Variants in IMMP2L observed in about 807,000 individuals in gnomAD.
IMMP2L encodes the protein mitochondrial inner membrane protease subunit 2.
A neutral mutation model predicts 19.3 loss-of-function variants in IMMP2L; 18 were observed. That is an observed-to-expected ratio of 0.93 (90% CI 0.64 to 1.38). The LOEUF (loss-of-function observed/expected upper bound fraction) is 1.38, where lower values mean the gene tolerates loss of function less well. IMMP2L is among the 40% of genes most tolerant of loss of function. The probability of loss-of-function intolerance (pLI) is 0.00; values close to 1 mark genes in which losing one functional copy is unlikely to be tolerated. For synonymous variants in IMMP2L, 76 were observed against 73.0 expected, an observed-to-expected ratio of 1.04 and a Z score of -0.21; for missense variants, 233 against 218.2, an observed-to-expected ratio of 1.07 and a Z score of -0.43.
At chr7:110,885,176 A>ATTT (rs532007143) in intron 5 of IMMP2L, among the ~76,000 whole-genome samples, 2,014 of 150,302 alleles carry the variant, frequency 0.013, 36 homozygotes, top group African/African-American at 0.046. Flanking sequence ...CAAATTTTGG[A>ATTT]TTTTTTTTTT....
At chr7:111,158,936 GTCTTC>G (rs779267154) in intron 3 of IMMP2L, among the ~76,000 whole-genome samples, 7 of 152,132 alleles carry the variant, frequency 4.6e-5, no homozygotes, top group Non-Finnish European at 8.8e-5. Context: ...TAAATGGAGA[GTCTTC>G]TCTTCTTTTA....
intron 3 of IMMP2L, among the ~76,000 whole-genome samples, chr7:111,115,333 C>T (rs1799751406): frequency 6.6e-6 from 1 of 152,086 alleles, no homozygotes. Flanking sequence ...TAATCATGTA[C>T]AAAAGTCAAC....
chr7:111,357,774 C>A (rs1457864738), intron 3 of IMMP2L, among the ~76,000 whole-genome samples: 2 of 152,014 alleles, frequency 1.3e-5, no homozygotes, highest in Non-Finnish European at 2.9e-5. Context: ...CAACATGAGT[C>A]ATCATGAAGA....
chr7:111,138,290 TTTC>T (rs1227597077), intron 3 of IMMP2L, among the ~76,000 whole-genome samples: 1 of 152,212 alleles, frequency 6.6e-6, no homozygotes, highest in African/African-American at 2.4e-5. Flanking sequence ...AGCTAAAGCT[TTTC>T]TTCTGCTATT....
intron 5 of IMMP2L, among the ~76,000 whole-genome samples, chr7:110,693,085 G>C (rs1480435103): frequency 6.6e-6 from 1 of 152,158 alleles, no homozygotes; most frequent in Non-Finnish European, 1.5e-5. Context: ...ATAAAAGCAA[G>C]CATTTTGGTA....
intron 3 of IMMP2L, among the ~76,000 whole-genome samples, chr7:111,387,665 A>G (rs924137260): frequency 6.6e-6 from 1 of 152,090 alleles, no homozygotes; most frequent in African/African-American, 2.4e-5. Context: ...CACATCTAGA[A>G]TAATAATTTT....
intron 3 of IMMP2L, among the ~76,000 whole-genome samples, chr7:111,220,548 G>A (rs1033593785): frequency 2.6e-5 from 4 of 151,764 alleles, no homozygotes; most frequent in African/African-American, 7.3e-5. Context: ...AAAGTTTTCT[G>A]TATTACTCAG....
At chr7:111,115,218 T>C (rs185615756) in intron 3 of IMMP2L, among the ~76,000 whole-genome samples, 33 of 152,306 alleles carry the variant, frequency 2.2e-4, no homozygotes, top group Non-Finnish European at 4.0e-4. Flanking sequence ...TGTACTGTTA[T>C]GACATATTGT....
At chr7:111,462,308 G>C (rs539201042) in intron 3 of IMMP2L, among the ~76,000 whole-genome samples, 1 of 151,884 alleles carries the variant, frequency 6.6e-6, no homozygotes, top group South Asian at 2.1e-4. Context: ...ACCTGAATAA[G>C]ATTATTTTTC....
chr7:111,384,248 AGAGGAG>A (rs1831505323), intron 3 of IMMP2L, among the ~76,000 whole-genome samples: 1 of 137,780 alleles, frequency 7.3e-6, no homozygotes, highest in African/African-American at 3.4e-5. Context: ...GAGAAAGGAG[AGAGGAG>A]AAAGGAGAAA....
intron 3 of IMMP2L, among the ~76,000 whole-genome samples, chr7:111,086,997 G>A (rs117467716): frequency 0.031 from 4,696 of 152,244 alleles, 177 homozygotes; most frequent in East Asian, 0.16. Flanking sequence ...TATTTTACAA[G>A]TGAATATTGA....
At chr7:111,350,188 G>A (rs1040500556) in intron 3 of IMMP2L, among the ~76,000 whole-genome samples, 15 of 151,818 alleles carry the variant, frequency 9.9e-5, no homozygotes, top group South Asian at 2.1e-4. Flanking sequence ...GGCTGGTCTC[G>A]AAATCCTGAC....
intron 1 of IMMP2L, among the ~76,000 whole-genome samples, chr7:111,557,289 T>C (rs906556335): frequency 3.3e-5 from 5 of 152,126 alleles, no homozygotes; most frequent in African/African-American, 1.2e-4. Flanking sequence ...ACACTCACAA[T>C]TCTTCAGTGG....
At chr7:111,372,892 C>G (rs1401537920) in intron 3 of IMMP2L, among the ~76,000 whole-genome samples, 2 of 152,034 alleles carry the variant, frequency 1.3e-5, no homozygotes, top group Middle Eastern at 3.4e-3. Flanking sequence ...CATGTTCTTG[C>G]AAATACCCAT....
chr7:111,526,223 T>C (rs961686193), intron 1 of IMMP2L, among the ~76,000 whole-genome samples: 1 of 152,228 alleles, frequency 6.6e-6, no homozygotes, highest in Non-Finnish European at 1.5e-5. Context: ...GCATACAGTA[T>C]AGTACCATTC....
intron 3 of IMMP2L, chr7:111,124,321 T>C: frequency 6.2e-7 from 1 of 1,613,810 alleles, no homozygotes; most frequent in South Asian, 1.1e-5. Flanking sequence ...GGATGGATCT[T>C]TTCCACAAGA....
chr7:110,923,523 A>G (rs1036236722), intron 4 of IMMP2L, among the ~76,000 whole-genome samples: 32 of 152,314 alleles, frequency 2.1e-4, no homozygotes, highest in African/African-American at 7.7e-4. Context: ...ATTCTCCCTG[A>G]AAGGAGGCTT....
intron 5 of IMMP2L, among the ~76,000 whole-genome samples, chr7:110,706,923 T>A (rs1027607581): frequency 1.1e-4 from 16 of 151,984 alleles, no homozygotes; most frequent in African/African-American, 3.6e-4. Flanking sequence ...TTTCCCAAGG[T>A]TGATACCCAG....
chr7:110,842,193 T>G (rs1479396333), intron 5 of IMMP2L, among the ~76,000 whole-genome samples: 2 of 152,192 alleles, frequency 1.3e-5, no homozygotes, highest in African/African-American at 4.8e-5. Flanking sequence ...TCCTCTCCAC[T>G]TTTGAATCTG....
Sources: allele counts gnomAD v4.1 joint callset (sites outside exome capture counted in the v4.1 genomes callset), GRCh38; gene constraint gnomAD v4.1.1; transcripts MANE v1.5; gene names NCBI Gene and HGNC (gene_info 2026-07-23, HGNC 2026-07-21).